Variants in SLC2A9 observed in about 807,000 individuals in gnomAD.
The protein encoded by SLC2A9 is solute carrier family 2, facilitated glucose transporter member 9.
In SLC2A9, 39 loss-of-function variants were observed where a neutral mutation model predicts 50.6. That is an observed-to-expected ratio of 0.77 (90% confidence interval 0.60 to 1.01). The LOEUF (loss-of-function observed/expected upper bound fraction) is 1.01, where lower values mean the gene tolerates loss of function less well. Ranked by LOEUF, SLC2A9 falls within the 50% of genes least tolerant of loss-of-function variation. SLC2A9 has a pLI of 0.00. For synonymous variants in SLC2A9, 324 were observed against 276.9 expected, an observed-to-expected ratio of 1.17 and a Z score of -1.69; for missense variants, 686 against 677.6, an observed-to-expected ratio of 1.01 and a Z score of -0.14.
chr4:10,016,208 A>G (rs1019924997), intron 2 of SLC2A9, among the ~76,000 whole-genome samples: 1 of 152,262 alleles, frequency 6.6e-6, no homozygotes, highest in Non-Finnish European at 1.5e-5. Context: ...CCCATGGCCT[A>G]ACACTGCCTG....
intron 3 of SLC2A9, among the ~76,000 whole-genome samples, chr4:9,800,001 A>G (rs1466361562): frequency 2.6e-5 from 4 of 152,202 alleles, no homozygotes; most frequent in African/African-American, 4.8e-5. Flanking sequence ...GAAACTGAAC[A>G]TTAGTAACAT....
chr4:10,018,948 C>T (rs1258035851), intron 2 of SLC2A9, 27 bp downstream of exon 2: 3 of 1,547,248 alleles, frequency 1.9e-6, no homozygotes, highest in Non-Finnish European at 2.6e-6. Context: ...CCGCAGCGCC[C>T]TCTGCCGGGC....
At position 9,781,972 on chromosome 4, in the gene SLC2A9, G is replaced by A. The variant is rs990837435; in HGVS notation, n.386-1907C>T. On this transcript the variant is annotated intron_variant and non_coding_transcript_variant, in intron 3 of 3. Transcript: ENST00000503803. ...TCGGGGTGCCCGATGGGGCTGCCTGGGGGTCGCAGGGCTGAAGTTGGGACC... is the reference window on the plus strand; with the variant it reads ...TCGGGGTGCCCGATGGGGCTGCCTGAGGGTCGCAGGGCTGAAGTTGGGACC... The A allele has an allele frequency of 4.0e-5, 54 of 1,359,346 alleles. No homozygotes were observed. In the African/African-American group the frequency reaches 7.7e-4, roughly 19 times the overall value. The allele number at this position is 1,359,346 out of a possible 1,614,324, so 84.2% of individuals were successfully genotyped here.
chr4:9,779,784 C>G (rs1244561934), downstream of SLC2A9: 1 of 151,266 alleles, frequency 6.6e-6, no homozygotes, highest in Non-Finnish European at 1.5e-5. Flanking sequence ...CATTGTATAA[C>G]CAGTGGGTAA....
intron 8 of SLC2A9, among the ~76,000 whole-genome samples, chr4:9,902,618 G>A (rs13129080): frequency 0.38 from 57,817 of 152,040 alleles, 13,738 homozygotes; most frequent in Non-Finnish European, 0.52. Context: ...GCCAGGGAAG[G>A]GTCTGTTGCA....
At position 9,810,217 on chromosome 4, in the gene SLC2A9, C is replaced by A. The variant is rs184033171; in HGVS notation, n.421-10976G>T. Among the ~76,000 whole-genome samples the A allele has an allele frequency of 4.0e-3, 609 of 152,066 alleles. 4 individuals carry two copies. The highest frequency in any genetic ancestry group is 3.7e-3 in the Non-Finnish European group (253 of 67,986). On this transcript the variant is annotated intron_variant and non_coding_transcript_variant, in intron 3 of 3. Transcript: ENST00000503280. ...ATATGTCCAACACCGAGAACATTAC[C>A]GAGTGCACAGTAGAGCCGCAGTTAA...
Position 9,782,261 on chromosome 4 carries a change from G to A in SLC2A9, n.386-2196C>T, listed in dbSNP as rs764263788. 6 of 1,613,872 alleles carry A rather than the reference G, an allele frequency of 3.7e-6. No individual in the cohort carries two copies. The South Asian group carries it at 5.5e-5, about 15-fold the overall frequency. On this transcript the variant is annotated intron_variant and non_coding_transcript_variant, in intron 3 of 3. Transcript: ENST00000503803. ...CCACCTGCGCGCCAACATGACCAAC[G>A]TCTTCATCGTGTCTCTGGCCGTGTC...
intron 5 of SLC2A9, among the ~76,000 whole-genome samples, chr4:9,963,688 T>C (rs1438111008): frequency 2.0e-5 from 3 of 151,890 alleles, no homozygotes; most frequent in African/African-American, 7.3e-5. Flanking sequence ...TCAGGGAATG[T>C]AGAAAAAGGA....
At chr4:9,806,877 G>A (rs930903029) in intron 3 of SLC2A9, among the ~76,000 whole-genome samples, 1 of 152,170 alleles carries the variant, frequency 6.6e-6, no homozygotes, top group Non-Finnish European at 1.5e-5. Context: ...CTTCTCCAGA[G>A]GACGCTTGAA....
At chr4:9,836,858 A>C (rs1260291778) in intron 10 of SLC2A9, among the ~76,000 whole-genome samples, 5 of 152,186 alleles carry the variant, frequency 3.3e-5, no homozygotes, top group Non-Finnish European at 7.4e-5. Flanking sequence ...GATGAAAGGA[A>C]GGGTCTGAAT....
intron 7 of SLC2A9, among the ~76,000 whole-genome samples, chr4:9,912,033 C>T (rs918109343): frequency 3.9e-5 from 6 of 152,184 alleles, no homozygotes; most frequent in African/African-American, 1.2e-4. Context: ...AGCAAACTAT[C>T]GCAAGGACAA....
intron 7 of SLC2A9, among the ~76,000 whole-genome samples, chr4:9,918,248 TG>T (rs1193955122): frequency 1.3e-5 from 2 of 152,182 alleles, no homozygotes; most frequent in African/African-American, 4.8e-5. Flanking sequence ...GCTGAAGTTT[TG>T]GATCCCAGGG....
At position 9,941,785 on chromosome 4, in the gene SLC2A9, G is replaced by A. The variant is rs549609959; in HGVS notation, c.814+128C>T. ...ATGAGAAGGTACCCTATGATACCCA[G>A]CCCAGTGCCTGCAAAAAGGAACAAT... On this transcript the variant is annotated intron_variant, in intron 6 of 11. Coordinates refer to ENST00000264784, the MANE Select transcript of SLC2A9 (RefSeq NM_020041.3). The A allele has an allele frequency of 5.2e-6, 7 of 1,343,096 alleles. No individual in the cohort carries two copies. In the Admixed American group the frequency reaches 1.4e-4, roughly 26 times the overall value. The allele number at this position is 1,343,096 out of a possible 1,614,324, so 83.2% of individuals were successfully genotyped here. A position where few individuals can be genotyped will look rare whatever the true frequency, so the allele number is the denominator to read the frequency against.
At chr4:9,817,048 T>C (rs906446758) in intron 3 of SLC2A9, among the ~76,000 whole-genome samples, 4 of 152,194 alleles carry the variant, frequency 2.6e-5, no homozygotes, top group African/African-American at 9.7e-5. Context: ...AGGCCAGCAG[T>C]GCAGCATCTT....
intron 5 of SLC2A9, among the ~76,000 whole-genome samples, chr4:9,967,784 A>C (rs1402011274): frequency 2.6e-5 from 4 of 151,350 alleles, no homozygotes; most frequent in Non-Finnish European, 5.9e-5. Flanking sequence ...TTTTTTCCTA[A>C]AATAAAGTGA....
chr4:9,909,067 C>G (rs1741225042), intron 7 of SLC2A9, among the ~76,000 whole-genome samples: 1 of 152,160 alleles, frequency 6.6e-6, no homozygotes, highest in Admixed American at 6.5e-5. Context: ...TTACTGTCAT[C>G]CACTGAAAAA....
At chr4:9,913,081 T>G (rs148450134) in intron 7 of SLC2A9, among the ~76,000 whole-genome samples, 2 of 152,088 alleles carry the variant, frequency 1.3e-5, no homozygotes, top group Non-Finnish European at 2.9e-5. Context: ...CCCTCTGGAG[T>G]CTCCAGAAGG....
At chr4:9,937,517 G>A (rs1457636152) in intron 6 of SLC2A9, among the ~76,000 whole-genome samples, 1 of 152,186 alleles carries the variant, frequency 6.6e-6, no homozygotes, top group Non-Finnish European at 1.5e-5. Flanking sequence ...AGGGAGGAGG[G>A]CGCTGGTCTT....
intron 1 of SLC2A9, among the ~76,000 whole-genome samples, chr4:10,038,766 G>A (rs749170764): frequency 1.3e-5 from 2 of 152,092 alleles, no homozygotes; most frequent in African/African-American, 2.4e-5. Context: ...AGCCTCGGAC[G>A]GCAAGCTAAG....
Sources: allele counts gnomAD v4.1 joint callset (sites outside exome capture counted in the v4.1 genomes callset), GRCh38; gene constraint gnomAD v4.1.1; transcripts MANE v1.5; gene names NCBI Gene and HGNC (gene_info 2026-07-23, HGNC 2026-07-21).